ZBTB7C: variants seen among roughly 807,000 people sequenced by gnomAD.
The protein encoded by ZBTB7C is zinc finger and BTB domain containing 7C, also known as zinc finger and BTB domain-containing protein 7C.
A neutral mutation model predicts 25.7 loss-of-function variants in ZBTB7C; 8 were observed. The observed-to-expected ratio is 0.31, with a 90% confidence interval of 0.18 to 0.56. The LOEUF is 0.56. Ranked by LOEUF, ZBTB7C falls within the 20% of genes least tolerant of loss-of-function variation. ZBTB7C has a pLI of 0.91. For synonymous variants in ZBTB7C, 394 were observed against 369.0 expected, an observed-to-expected ratio of 1.07 and a Z score of -0.78; for missense variants, 824 against 855.2, an observed-to-expected ratio of 0.96 and a Z score of 0.46.
At chr18:48,093,645 T>C (rs1013897391) in intron 3 of ZBTB7C, among the ~76,000 whole-genome samples, 3 of 151,900 alleles carry the variant, frequency 2.0e-5, no homozygotes, top group African/African-American at 7.3e-5. Context: ...CAGAGATTCA[T>C]CTTGATGTAA....
chr18:48,058,292 C>T (rs1204889227), intron 3 of ZBTB7C, among the ~76,000 whole-genome samples: 1 of 152,248 alleles, frequency 6.6e-6, no homozygotes, highest in Non-Finnish European at 1.5e-5. Flanking sequence ...TGAGCTTCCC[C>T]ACTTGGACGC....
At chr18:48,362,352 A>G (rs553792601) in intron 1 of ZBTB7C, among the ~76,000 whole-genome samples, 9 of 152,330 alleles carry the variant, frequency 5.9e-5, no homozygotes, top group East Asian at 1.9e-4. Context: ...CTAATTTCCA[A>G]TGTGATGGTG....
chr18:48,043,323 C>G (rs1473781281), intron 3 of ZBTB7C, among the ~76,000 whole-genome samples: 1 of 152,166 alleles, frequency 6.6e-6, no homozygotes, highest in Non-Finnish European at 1.5e-5. Context: ...TAGTGAGTAA[C>G]TGGAAATAAC....
At chr18:48,371,747 G>A (rs1440188949) in intron 1 of ZBTB7C, among the ~76,000 whole-genome samples, 1 of 152,212 alleles carries the variant, frequency 6.6e-6, no homozygotes, top group Admixed American at 6.5e-5. Flanking sequence ...GATGTGGCAG[G>A]TTTCATTATT....
chr18:48,185,847 A>G (rs2042041216), intron 3 of ZBTB7C, 87 bp downstream of exon 3: 2 of 152,268 alleles, frequency 1.3e-5, no homozygotes, highest in Admixed American at 1.3e-4. Flanking sequence ...CATCCAGGTC[A>G]TGCTCTTTTC....
chr18:48,229,826 G>A (rs918201975), intron 2 of ZBTB7C, among the ~76,000 whole-genome samples: 1 of 152,160 alleles, frequency 6.6e-6, no homozygotes, highest in African/African-American at 2.4e-5. Context: ...CAAGGAGCGG[G>A]GCAGGTGTGG....
At chr18:48,162,325 G>A (rs1274327079) in intron 3 of ZBTB7C, 1 of 455,738 alleles carries the variant, frequency 2.2e-6, no homozygotes, top group Non-Finnish European at 4.4e-6. Flanking sequence ...AGGCAGGGCC[G>A]CACTGAAGCC....
At chr18:48,315,955 T>C (rs1598853046) in intron 2 of ZBTB7C, among the ~76,000 whole-genome samples, 1 of 152,076 alleles carries the variant, frequency 6.6e-6, no homozygotes, top group African/African-American at 2.4e-5. Flanking sequence ...TAAGAAAGGA[T>C]CAGCAATTTT....
intron 3 of ZBTB7C, among the ~76,000 whole-genome samples, chr18:48,126,024 T>C (rs1352542727): frequency 6.6e-6 from 1 of 152,228 alleles, no homozygotes; most frequent in East Asian, 1.9e-4. Flanking sequence ...CAGGGAGTAC[T>C]GCACATTTGG....
chr18:48,180,107 CTTCCT>C (rs1242012732), intron 3 of ZBTB7C, among the ~76,000 whole-genome samples: 15 of 109,532 alleles, frequency 1.4e-4, no homozygotes, highest in African/African-American at 5.5e-4. Flanking sequence ...CCTTTCCTTC[CTTCCT>C]TTCCTTCCTT....
At chr18:48,342,445 C>T (rs778135861) in intron 1 of ZBTB7C, among the ~76,000 whole-genome samples, 3 of 152,132 alleles carry the variant, frequency 2.0e-5, no homozygotes, top group Non-Finnish European at 4.4e-5. Flanking sequence ...CAGGCAGGAT[C>T]GGGAGGCAGC....
chr18:48,306,401 T>C (rs1019899700), intron 2 of ZBTB7C, among the ~76,000 whole-genome samples: 26 of 152,366 alleles, frequency 1.7e-4, no homozygotes, highest in Admixed American at 1.6e-3. Context: ...AATTTACCAC[T>C]TTAAACATAT....
rs1199426274 is a variant in ZBTB7C, at chr18:48,390,771, G to A, written c.-304+18455C>T. Among the ~76,000 whole-genome samples the A allele has an allele frequency of 3.3e-5, 5 of 152,218 alleles. No individual in the cohort carries two copies. In the East Asian group the frequency reaches 9.6e-4, roughly 29 times the overall value. Reference sequence around the variant, plus strand: ...CCATCCACATGCCTATCTCAAAAGAGATTGCATGCTAATCCCTCCAGGGGC... The same window carrying A: ...CCATCCACATGCCTATCTCAAAAGAAATTGCATGCTAATCCCTCCAGGGGC... On this transcript the variant is annotated intron_variant, in intron 1 of 4. Coordinates refer to ENST00000590800, the MANE Select transcript of ZBTB7C (RefSeq NM_001318841.2).
intron 2 of ZBTB7C, among the ~76,000 whole-genome samples, chr18:48,213,702 T>C (rs2042755469): frequency 1.3e-5 from 2 of 152,164 alleles, no homozygotes. Context: ...TACCTTCTTA[T>C]TTGGGTACTG....
chr18:48,342,066 T>C (rs1462771397), intron 1 of ZBTB7C, among the ~76,000 whole-genome samples: 1 of 152,192 alleles, frequency 6.6e-6, no homozygotes, highest in Non-Finnish European at 1.5e-5. Context: ...ATCAGGGAGC[T>C]GGGACCCCTC....
chr18:48,276,598 A>G (rs377660378), intron 2 of ZBTB7C, among the ~76,000 whole-genome samples: 1,355 of 98,792 alleles, frequency 0.014, 18 homozygotes, highest in South Asian at 0.047. Context: ...ATGGTTTCCA[A>G]TTTCATCCAT....
chr18:48,312,443 C>T (rs1028844094), intron 2 of ZBTB7C, among the ~76,000 whole-genome samples: 2 of 152,308 alleles, frequency 1.3e-5, no homozygotes, highest in Admixed American at 6.5e-5. Flanking sequence ...CAAGTAAAGA[C>T]TCTTCTGTCA....
intron 2 of ZBTB7C, among the ~76,000 whole-genome samples, chr18:48,303,253 G>C (rs572983823): frequency 6.4e-4 from 97 of 152,332 alleles, no homozygotes; most frequent in African/African-American, 2.3e-3. Context: ...AACAGTCAAA[G>C]GTTCCCAAAA....
At chr18:48,300,322 C>A (rs1279890530) in intron 2 of ZBTB7C, among the ~76,000 whole-genome samples, 2 of 152,176 alleles carry the variant, frequency 1.3e-5, no homozygotes, top group East Asian at 3.9e-4. Flanking sequence ...TCATCTCCCC[C>A]AGGCAGATGA....
Sources: gnomAD v4.1 joint callset for allele counts (sites outside exome capture counted in the v4.1 genomes callset) on GRCh38, gnomAD v4.1.1 for gene constraint, MANE v1.5 for transcripts, NCBI Gene and HGNC (gene_info 2026-07-23, HGNC 2026-07-21) for gene names.